SLC14A2: variants seen among roughly 807,000 people sequenced by gnomAD.
The protein encoded by SLC14A2 is urea transporter 2.
SLC14A2 carries 91 observed loss-of-function variants against 104.6 expected under a neutral mutation model. The ratio of observed to expected loss-of-function variants is 0.87; its 90% confidence interval spans 0.73 to 1.04. The LOEUF is 1.04. Among genes scored for constraint, SLC14A2 ranks in the 50% least tolerant of loss-of-function variants. The pLI, the probability that SLC14A2 is intolerant of heterozygous loss-of-function variation, is 0.00. For synonymous variants in SLC14A2, 476 were observed against 466.4 expected, an observed-to-expected ratio of 1.02 and a Z score of -0.27; for missense variants, 1,189 against 1,156.0, an observed-to-expected ratio of 1.03 and a Z score of -0.41.
chr18:45,299,687 C>T (rs2084949765), intron 1 of SLC14A2, among the ~76,000 whole-genome samples: 1 of 152,210 alleles, frequency 6.6e-6, no homozygotes, highest in Admixed American at 6.5e-5. Context: ...GTCTTGAACT[C>T]CTGACCTCAG....
chr18:45,202,409 A>G, the SLC14A2 span, among the ~76,000 whole-genome samples: 1 of 152,188 alleles, frequency 6.6e-6, no homozygotes, highest in Non-Finnish European at 1.5e-5. Flanking sequence ...CAATTATGTG[A>G]TGTTCAAAGG....
chr18:45,580,343 G>C (rs1169264149), intron 2 of SLC14A2, among the ~76,000 whole-genome samples: 2 of 152,228 alleles, frequency 1.3e-5, no homozygotes, highest in Non-Finnish European at 2.9e-5. Flanking sequence ...CTTAGCTAAA[G>C]TCATGGGAGT....
intron 1 of SLC14A2, among the ~76,000 whole-genome samples, chr18:45,323,603 T>C (rs539985510): frequency 8.5e-5 from 13 of 152,342 alleles, no homozygotes; most frequent in African/African-American, 3.1e-4. Context: ...AAATTGCCGT[T>C]TTTGTAGTTC....
At chr18:45,209,930 A>G (rs536937694), upstream of SLC14A2, among the ~76,000 whole-genome samples, 4 of 152,338 alleles carry the variant, frequency 2.6e-5, no homozygotes, top group East Asian at 7.7e-4. Flanking sequence ...ATTTTCCTCT[A>G]GTTTTACAAC....
At chr18:45,217,236 CAA>C (rs1246721939) in intron 1 of SLC14A2, among the ~76,000 whole-genome samples, 1 of 147,634 alleles carries the variant, frequency 6.8e-6, no homozygotes, top group Non-Finnish European at 1.5e-5. Flanking sequence ...ATATATAAGC[CAA>C]GTTATATATC....
chr18:45,214,501 G>A (rs1330770999), intron 1 of SLC14A2, among the ~76,000 whole-genome samples: 1 of 152,144 alleles, frequency 6.6e-6, no homozygotes, highest in Non-Finnish European at 1.5e-5. Flanking sequence ...TCTCAGTTCT[G>A]CTGCCTTTGT....
intron 2 of SLC14A2, among the ~76,000 whole-genome samples, chr18:45,486,225 G>C (rs1182086566): frequency 3.3e-5 from 5 of 152,154 alleles, no homozygotes; most frequent in Admixed American, 2.0e-4. Flanking sequence ...GGGCAAAGGA[G>C]CCAGACAAGG....
At chr18:45,274,910 A>G (rs1402132533) in intron 1 of SLC14A2, among the ~76,000 whole-genome samples, 1 of 152,188 alleles carries the variant, frequency 6.6e-6, no homozygotes, top group East Asian at 1.9e-4. Flanking sequence ...TCTAGACTTG[A>G]TTCCCTGTTT....
Position 45,641,292 on chromosome 18 carries a change from G to A in SLC14A2, c.1075G>A (p.Gly359Ser). Residue 359 changes from glycine to serine, a missense_variant, in exon 8 of 20, where the codon GGC becomes AGC. Gly to Ser is a moderately conservative substitution (Grantham distance 56). Transcript: ENST00000255226. ...NCVLSCIAIG[G>S]MFYALTWQTH... The stretch of plus-strand genomic sequence containing the variant: ...CGTCCTCTCCTGCATCGCCATCGGA[G>A]GCATGTTCTATGCCCTCACCTGGCA... 1.2e-6 allele frequency: 2 copies of A among 1,614,192 alleles called. No homozygotes were observed. The highest frequency in any genetic ancestry group is 1.7e-6 in the Non-Finnish European group (2 of 1,180,034).
intron 1 of SLC14A2, among the ~76,000 whole-genome samples, chr18:45,259,229 G>A (rs1381278825): frequency 1.3e-5 from 2 of 152,162 alleles, no homozygotes; most frequent in Admixed American, 1.3e-4. Context: ...TAATTTTTAG[G>A]GTTAGGACAG....
chr18:45,336,694 C>A (rs1599684899), intron 1 of SLC14A2, among the ~76,000 whole-genome samples: 2 of 152,136 alleles, frequency 1.3e-5, no homozygotes, highest in East Asian at 3.9e-4. Context: ...GGGATTGTTC[C>A]TCTGGTCCCA....
intron 1 of SLC14A2, among the ~76,000 whole-genome samples, chr18:45,312,004 T>C (rs1396938785): frequency 2.6e-5 from 4 of 152,182 alleles, no homozygotes; most frequent in Admixed American, 1.3e-4. Flanking sequence ...GAAGAAGTCT[T>C]AGTGAGTGAC....
At chr18:45,203,813 C>A in the SLC14A2 span, among the ~76,000 whole-genome samples, 6 of 152,168 alleles carry the variant, frequency 3.9e-5, no homozygotes, top group Non-Finnish European at 7.3e-5. Context: ...AATTATTCAG[C>A]CTTGCTGTAT....
At chr18:45,674,521 C>G (rs145956194) in intron 18 of SLC14A2, among the ~76,000 whole-genome samples, 2 of 151,800 alleles carry the variant, frequency 1.3e-5, no homozygotes, top group Non-Finnish European at 2.9e-5. Flanking sequence ...AAACAAGATA[C>G]GAAGGGTAAA....
intron 8 of SLC14A2, among the ~76,000 whole-genome samples, chr18:45,641,638 T>A (rs1414946767): frequency 6.6e-6 from 1 of 152,198 alleles, no homozygotes; most frequent in Non-Finnish European, 1.5e-5. Context: ...TCTCTATAAC[T>A]CTTCATTCAA....
chr18:45,636,976 T>A lies in SLC14A2; in HGVS notation c.651-14T>A. The stretch of plus-strand genomic sequence containing the variant: ...ATGTCACAGGGATTAACCCTCTGTC[T>A]CTTGCATCTTCAGCCCAGTTCTTTC... On this transcript the variant is annotated splice_polypyrimidine_tract_variant and intron_variant, in intron 5 of 19. Coordinates refer to ENST00000255226, the MANE Select transcript of SLC14A2 (RefSeq NM_007163.4). 6.2e-7 allele frequency: 1 copy of A among 1,610,348 alleles called. No homozygotes were observed. The highest frequency in any genetic ancestry group is 8.5e-7 in the Non-Finnish European group (1 of 1,177,458).
At chr18:45,200,777 T>C in the SLC14A2 span, among the ~76,000 whole-genome samples, 250 of 152,286 alleles carry the variant, frequency 1.6e-3, no homozygotes, top group African/African-American at 5.7e-3. Context: ...TTTTAAAGAA[T>C]AGTTTTATAC....
intron 1 of SLC14A2, among the ~76,000 whole-genome samples, chr18:45,298,138 A>G (rs1031041023): frequency 1.4e-5 from 2 of 147,256 alleles, no homozygotes; most frequent in Non-Finnish European, 3.0e-5. Flanking sequence ...GCACATAAGC[A>G]TCTTTTTAAA....
chr18:45,266,565 A>G (rs749309817), intron 1 of SLC14A2, among the ~76,000 whole-genome samples: 1 of 152,104 alleles, frequency 6.6e-6, no homozygotes, highest in African/African-American at 2.4e-5. Flanking sequence ...AATTCAACCT[A>G]AACTCCCTTA....
Sources: allele counts gnomAD v4.1 joint callset (sites outside exome capture counted in the v4.1 genomes callset), GRCh38; gene constraint gnomAD v4.1.1; transcripts MANE v1.5; gene names NCBI Gene and HGNC (gene_info 2026-07-23, HGNC 2026-07-21).